Variants in MAGI2 observed in about 807,000 individuals in gnomAD.
MAGI2 encodes membrane associated guanylate kinase, WW and PDZ domain containing 2, also known as membrane-associated guanylate kinase, WW and PDZ domain-containing protein 2.
Under a neutral mutation model 133.3 loss-of-function variants are expected in MAGI2, and 35 were observed. The ratio of observed to expected loss-of-function variants is 0.26; its 90% confidence interval spans 0.20 to 0.35. The LOEUF (loss-of-function observed/expected upper bound fraction) is 0.35, where lower values mean the gene tolerates loss of function less well. Among genes scored for constraint, MAGI2 ranks in the 10% least tolerant of loss-of-function variants. The probability of loss-of-function intolerance (pLI) is 1.00; values close to 1 mark genes in which losing one functional copy is unlikely to be tolerated. For missense variants in MAGI2, 1,636 were observed against 1,863.4 expected (o/e 0.88, Z 2.25); for synonymous variants, 729 against 710.6 (o/e 1.03, Z -0.41).
intron 3 of MAGI2, among the ~76,000 whole-genome samples, chr7:78,597,109 TG>T (rs910615314): frequency 1.3e-5 from 2 of 152,194 alleles, no homozygotes; most frequent in African/African-American, 4.8e-5. Context: ...AAGTAGGAAT[TG>T]TTCCTAAGTT....
intron 2 of MAGI2, among the ~76,000 whole-genome samples, chr7:78,903,335 A>T (rs986908798): frequency 6.6e-6 from 1 of 151,500 alleles, no homozygotes; most frequent in Non-Finnish European, 1.5e-5. Context: ...CTGGGACTAC[A>T]GGCGCCCGCT....
At chr7:78,720,158 A>C (rs1820125140) in intron 2 of MAGI2, among the ~76,000 whole-genome samples, 1 of 152,174 alleles carries the variant, frequency 6.6e-6, no homozygotes, top group Non-Finnish European at 1.5e-5. Context: ...TAAAATTACA[A>C]ATAAATCCTG....
intron 2 of MAGI2, among the ~76,000 whole-genome samples, chr7:78,738,069 T>C (rs983513644): frequency 3.4e-4 from 4 of 11,846 alleles, no homozygotes; most frequent in Admixed American, 2.9e-3. Context: ...AAAGCTTTGG[T>C]ACCATAAGTT....
intron 1 of MAGI2, among the ~76,000 whole-genome samples, chr7:79,238,153 AT>A: frequency 6.6e-6 from 1 of 152,160 alleles, no homozygotes; most frequent in Admixed American, 6.5e-5. Context: ...TTATTTTTAA[AT>A]TTTCAATTCC....
intron 20 of MAGI2, among the ~76,000 whole-genome samples, chr7:78,118,040 G>T (rs1227567351): frequency 6.6e-6 from 1 of 152,098 alleles, no homozygotes; most frequent in East Asian, 1.9e-4. Flanking sequence ...GACAGAAATA[G>T]ACCTGCATAA....
intron 7 of MAGI2, among the ~76,000 whole-genome samples, chr7:78,363,614 C>T (rs1466866032): frequency 2.0e-5 from 3 of 151,816 alleles, no homozygotes; most frequent in Admixed American, 1.3e-4. Flanking sequence ...CAAAGTTTCT[C>T]TTAGAATTGT....
At chr7:79,134,616 T>A (rs1224081129) in intron 1 of MAGI2, among the ~76,000 whole-genome samples, 3 of 152,194 alleles carry the variant, frequency 2.0e-5, no homozygotes, top group African/African-American at 7.2e-5. Context: ...TTCTTTCCCT[T>A]CCAATTATTT....
rs114035982 is a variant in MAGI2, at chr7:78,487,987, C to G, written c.1045+1774G>C. 6.0e-3 allele frequency among the ~76,000 whole-genome samples: 912 copies of G among 152,100 alleles called. 9 individuals carry two copies. The highest frequency in any genetic ancestry group is 0.021 in the African/African-American group (886 of 41,528). Reference sequence around the variant, plus strand: ...CAGGTAACAATATTACCTAAAAGCACTTTTCTTGGCAAGAAAACTTAAAAT... The same window carrying G: ...CAGGTAACAATATTACCTAAAAGCAGTTTTCTTGGCAAGAAAACTTAAAAT... On this transcript the variant is annotated intron_variant, in intron 6 of 21. Coordinates refer to ENST00000354212, the MANE Select transcript of MAGI2 (RefSeq NM_012301.4).
At chr7:79,246,571 C>T (rs1017144055) in intron 1 of MAGI2, among the ~76,000 whole-genome samples, 1 of 151,798 alleles carries the variant, frequency 6.6e-6, no homozygotes, top group Non-Finnish European at 1.5e-5. Flanking sequence ...AATTAGTGAG[C>T]TTGAAGACAG....
At chr7:78,752,099 A>AAG (rs1823508377) in intron 2 of MAGI2, among the ~76,000 whole-genome samples, 1 of 152,202 alleles carries the variant, frequency 6.6e-6, no homozygotes, top group Non-Finnish European at 1.5e-5. Context: ...TCAAGGAAGC[A>AAG]GTGTTTTGCT....
intron 2 of MAGI2, among the ~76,000 whole-genome samples, chr7:78,889,748 C>A (rs568361042): frequency 1.6e-4 from 25 of 152,266 alleles, no homozygotes; most frequent in African/African-American, 1.2e-4. Context: ...TGGAAAGGAA[C>A]AACTGATACC....
intron 1 of MAGI2, among the ~76,000 whole-genome samples, chr7:79,405,987 C>A (rs1185054449): frequency 6.7e-6 from 1 of 149,970 alleles, no homozygotes; most frequent in Non-Finnish European, 1.5e-5. Flanking sequence ...ACTTAAGCCA[C>A]CAAATCATGT....
At chr7:78,350,777 T>C (rs1362903618) in intron 7 of MAGI2, among the ~76,000 whole-genome samples, 1 of 152,178 alleles carries the variant, frequency 6.6e-6, no homozygotes, top group African/African-American at 2.4e-5. Context: ...TCTTAAATAC[T>C]GAGCCCATCA....
intron 2 of MAGI2, among the ~76,000 whole-genome samples, chr7:78,779,497 A>G (rs111589485): frequency 2.6e-4 from 40 of 152,348 alleles, no homozygotes; most frequent in African/African-American, 8.7e-4. Flanking sequence ...CGGAAGAAAG[A>G]GAAGAAATAG....
chr7:79,111,868 C>T (rs761238626), intron 1 of MAGI2, among the ~76,000 whole-genome samples: 24 of 152,014 alleles, frequency 1.6e-4, no homozygotes, highest in Admixed American at 7.2e-4. Context: ...GGGGTTTCAT[C>T]GTGTTAGCCA....
intron 1 of MAGI2, among the ~76,000 whole-genome samples, chr7:79,349,834 T>C: frequency 6.6e-6 from 1 of 152,066 alleles, no homozygotes; most frequent in Admixed American, 6.6e-5. Flanking sequence ...TTTATAATCC[T>C]AATTCTATCA....
At chr7:79,290,716 A>G (rs1372720846) in intron 1 of MAGI2, among the ~76,000 whole-genome samples, 7 of 152,088 alleles carry the variant, frequency 4.6e-5, no homozygotes, top group Admixed American at 3.3e-4. Context: ...CTGCAAGCAT[A>G]TAGATGGATA....
intron 4 of MAGI2, 114 bp downstream of exon 4, chr7:78,521,316 T>C: frequency 1.6e-6 from 1 of 633,028 alleles, no homozygotes; most frequent in Non-Finnish European, 2.7e-6. Context: ...TATATATGTA[T>C]ATATTTATCT....
chr7:78,406,533 T>A (rs570685962), intron 6 of MAGI2, among the ~76,000 whole-genome samples: 1 of 152,154 alleles, frequency 6.6e-6, no homozygotes, highest in African/African-American at 2.4e-5. Flanking sequence ...TGATATTTAG[T>A]GATTTATGAG....
Sources: gnomAD v4.1 joint callset for allele counts (sites outside exome capture counted in the v4.1 genomes callset) on GRCh38, gnomAD v4.1.1 for gene constraint, MANE v1.5 for transcripts, NCBI Gene and HGNC (gene_info 2026-07-23, HGNC 2026-07-21) for gene names.